CYTH2: variants seen among roughly 807,000 people sequenced by gnomAD.
CYTH2 encodes the protein cytohesin 2, also known as cytohesin-2.
A neutral mutation model predicts 55.4 loss-of-function variants in CYTH2; 24 were observed. The ratio of observed to expected loss-of-function variants is 0.43; its 90% CI spans 0.31 to 0.61. CYTH2 has a LOEUF of 0.61. Ranked by LOEUF, CYTH2 falls within the 20% of genes least tolerant of loss-of-function variation. The probability of loss-of-function intolerance (pLI) is 0.08; values close to 1 mark genes in which losing one functional copy is unlikely to be tolerated. For missense variants in CYTH2, 378 were observed against 533.5 expected (o/e 0.71, Z 2.87); for synonymous variants, 221 against 209.6 (o/e 1.05, Z -0.47).
chr19:48,472,269 G>C lies in CYTH2; in HGVS notation c.235-56G>C. On this transcript the variant is annotated intron_variant, in intron 3 of 11. Coordinates refer to ENST00000452733, the MANE Select transcript of CYTH2 (RefSeq NM_004228.7). Reference sequence around the variant, plus strand: ...GTCTGGATGCTGAGGTTCCCAGGGAGGTGAGTGGGGTGGCTTTCTGGCCCT... The same window carrying C: ...GTCTGGATGCTGAGGTTCCCAGGGACGTGAGTGGGGTGGCTTTCTGGCCCT... 2.6e-6 allele frequency: 4 copies of C among 1,527,092 alleles called. No individual in the cohort carries two copies. The South Asian group carries it at 3.4e-5, about 13-fold the overall frequency. The allele number at this position is 1,527,092 out of a possible 1,614,324, so 94.6% of individuals were successfully genotyped here. A position where few individuals can be genotyped will look rare whatever the true frequency, so the allele number is the denominator to read the frequency against.
intron 4 of CYTH2, chr19:48,473,046 C>A: frequency 2.1e-6 from 1 of 474,478 alleles, no homozygotes; most frequent in Non-Finnish European, 3.9e-6. Context: ...TACATGTTTG[C>A]GGCATTTCTC....
Position 48,479,174 on chromosome 19 carries a change from G to A in CYTH2, c.1164G>A (p.Lys388=). The A allele has an allele frequency of 6.2e-7, 1 of 1,614,096 alleles. No individual in the cohort carries two copies. The highest frequency in any genetic ancestry group is 8.5e-7 in the Non-Finnish European group (1 of 1,179,972). Residue 388 remains lysine (K), a synonymous_variant, in exon 12 of 12, where the codon AAG becomes AAA. Transcript: ENST00000452733. ...ATGAGATGCTGGCAGCGAGAAAGAA[G>A]CGGATTTCAGTCAAGAAGAAGCAGG... ...PFYEMLAARK[K]RISVKKKQEQ...
chr19:48,477,787 C>G (rs73942290), intron 8 of CYTH2: 1 of 465,854 alleles, frequency 2.1e-6, no homozygotes, highest in African/African-American at 1.9e-5. Flanking sequence ...GGCGCCCTGG[C>G]GCCCTGGCCT....
chr19:48,477,012 T>C (rs2147510933), intron 8 of CYTH2: 1 of 152,338 alleles, frequency 6.6e-6, no homozygotes, highest in South Asian at 2.1e-4. Flanking sequence ...AGGGCCTCTG[T>C]TCCCTTTGTG....
Position 48,472,451 on chromosome 19 carries a change from C to T in CYTH2, c.353+8C>T, listed in dbSNP as rs773835492. On this transcript the variant is annotated splice_region_variant and intron_variant, in intron 4 of 11. Transcript: ENST00000452733. The stretch of plus-strand genomic sequence containing the variant: ...GGACTACCTGGGGGAGAGGTACGGT[C>T]ACCACTCAGCTCCTGTGGGGCCCCT... 1.2e-6 allele frequency: 2 copies of T among 1,611,144 alleles called. No individual in the cohort carries two copies. The highest frequency in any genetic ancestry group is 2.2e-5 in the East Asian group (1 of 44,872).
chr19:48,472,068 A>G (rs1277356611), intron 3 of CYTH2, among the ~76,000 whole-genome samples: 4 of 152,136 alleles, frequency 2.6e-5, no homozygotes, highest in Non-Finnish European at 5.9e-5. Flanking sequence ...AAAAGAGAAA[A>G]TGTACTGAGC....
At position 48,469,443 on chromosome 19, in the gene CYTH2, C is replaced by T; in HGVS notation, c.-65C>T. The T allele has an allele frequency of 3.0e-6, 4 of 1,320,408 alleles. No homozygotes were observed. The highest frequency in any genetic ancestry group is 3.9e-6 in the Non-Finnish European group (4 of 1,026,472). The allele number at this position is 1,320,408 out of a possible 1,614,324, so 81.8% of individuals were successfully genotyped here. A position where few individuals can be genotyped will look rare whatever the true frequency, so the allele number is the denominator to read the frequency against. ...GAGCGGGCTCACCCGAGCCCGCGGG[C>T]CAACGCGGATCCAGGCCCGACTGGC... On this transcript the variant is annotated 5_prime_UTR_variant, in exon 1 of 12. Transcript: ENST00000452733.
chr19:48,474,229 C>G lies in CYTH2; in HGVS notation c.595C>G (p.Leu199Val). 6.2e-7 allele frequency: 1 copy of G among 1,612,548 alleles called. No homozygotes were observed. Among genetic ancestry groups the G allele is most frequent in the African/African-American group, 1.3e-5 (1 of 74,974 alleles). ...CGCCGTCATCATGCTCAACACCAGT[C>G]TCCACAATCCCAATGTCCGGGACAA... ...SFAVIMLNTS[L>V]HNPNVRDKPG... The change falls in exon 7 of 12, where the codon CTC (leucine) becomes GTC (valine). Residue 199 changes from leucine (L) to valine (V), a missense_variant. Coordinates refer to ENST00000452733, the MANE Select transcript of CYTH2 (RefSeq NM_004228.7). This position sits in a 1 kb window ranked among gnomAD's most constrained non-coding sequence, Gnocchi z 4.9.
Position 48,470,433 on chromosome 19 carries a change from C to T in CYTH2, c.100C>T (p.Gln34Ter). ...GAAGCAGGAGCTGCTGGTGGAGATT[C>T]AGCGCCTGCGGGAGGAGCTCAGTGA... Reference protein sequence around the residue: ...RRKQELLVEIQRLREELSEAM... With the variant: ...RRKQELLVEI The change falls in exon 2 of 12, where the codon CAG becomes TAG. Residue 34 changes from glutamine to a stop codon, truncating the protein, a stop_gained. Coordinates refer to ENST00000452733, the MANE Select transcript of CYTH2 (RefSeq NM_004228.7). LOFTEE classifies it high-confidence loss of function. The T allele has an allele frequency of 6.2e-7, 1 of 1,614,116 alleles. No individual in the cohort carries two copies. The highest frequency in any genetic ancestry group is 8.5e-7 in the Non-Finnish European group (1 of 1,180,018).
rs2147504787 is a variant in CYTH2 at position 48,472,317 on chromosome 19, C to T, written c.235-8C>T. ...CCTCAGCACTGAGACCTTGTCCCCA[C>T]CCACCAGGGGATCCAGTTCTTGGTG... On this transcript the variant is annotated splice_region_variant and splice_polypyrimidine_tract_variant and intron_variant, in intron 3 of 11. Coordinates refer to ENST00000452733, the MANE Select transcript of CYTH2 (RefSeq NM_004228.7). 6.2e-7 allele frequency: 1 copy of T among 1,613,322 alleles called. No individual in the cohort carries two copies. Among genetic ancestry groups the T allele is most frequent in the Non-Finnish European group, 8.5e-7 (1 of 1,179,568 alleles).
chr19:48,470,203 A>C, intron 1 of CYTH2, 150 bp from the exon 2 acceptor site: 1 of 1,205,822 alleles, frequency 8.3e-7, no homozygotes, highest in East Asian at 2.3e-5. Context: ...TCTCCTCTGC[A>C]GGGAGGAATC....
rs182550486 is a variant in CYTH2, at chr19:48,473,149, C to T, written c.354-149C>T. 741 of 778,056 alleles carry T rather than the reference C, an allele frequency of 9.5e-4. 7 individuals carry two copies. In the South Asian group the frequency reaches 9.8e-3, roughly 10 times the overall value. The allele number at this position is 778,056 out of a possible 1,614,324, so 48.2% of individuals were successfully genotyped here. On this transcript the variant is annotated intron_variant, in intron 4 of 11. Transcript: ENST00000452733. The stretch of plus-strand genomic sequence containing the variant: ...GAGCATCCCCCACCCTGGGGGCAGG[C>T]CTGTGTGGGAGTCCAGCAGGAAACT...
At chr19:48,470,313 C>A in intron 1 of CYTH2, 40 bp from the exon 2 acceptor site, 1 of 1,560,690 alleles carries the variant, frequency 6.4e-7, no homozygotes. Flanking sequence ...AGGCTCACGG[C>A]CCCTAGCACT....
At chr19:48,473,757 T>C in intron 5 of CYTH2, 148 bp from the exon 6 acceptor site, 1 of 648,512 alleles carries the variant, frequency 1.5e-6, no homozygotes, top group East Asian at 2.8e-5. Context: ...TGCCCATTGG[T>C]GAGACTGGAT....
intron 1 of CYTH2, 34 bp from the exon 2 acceptor site, chr19:48,470,319 G>A (rs749158139): frequency 1.9e-6 from 3 of 1,578,452 alleles, no homozygotes; most frequent in African/African-American, 2.7e-5. Context: ...ACGGCCCCTA[G>A]CACTGACTTT....
At chr19:48,473,416 A>T in intron 5 of CYTH2, 38 bp downstream of exon 5, 1 of 1,596,058 alleles carries the variant, frequency 6.3e-7, no homozygotes, top group Non-Finnish European at 8.6e-7. Flanking sequence ...CCAGGAATGT[A>T]CCTGTCAGGG....
chr19:48,476,874 CAAA>C, intron 8 of CYTH2: 1 of 152,206 alleles, frequency 6.6e-6, no homozygotes, highest in African/African-American at 2.4e-5. Context: ...GAGACAGTCT[CAAA>C]AAAACAAAAC....
chr19:48,472,002 G>T (rs1355550954), intron 3 of CYTH2, among the ~76,000 whole-genome samples: 1 of 152,196 alleles, frequency 6.6e-6, no homozygotes, highest in Non-Finnish European at 1.5e-5. Flanking sequence ...GCTGCAATGA[G>T]CTGTGATCAC....
In CYTH2 at chr19:48,474,341, C is replaced by G; in HGVS notation, c.696+11C>G. On this transcript the variant is annotated intron_variant, in intron 7 of 11. Transcript: ENST00000452733. This position sits in a 1 kb window ranked among gnomAD's most constrained non-coding sequence, Gnocchi z 4.9. ...GAGGAGCTGCTCAGGGTCAGTCCCC[C>G]TTCCCTGCCCCTCAGCCCTGCCCCT... 6.3e-7 allele frequency: 1 copy of G among 1,577,012 alleles called. No homozygotes were observed. The highest frequency in any genetic ancestry group is 8.6e-7 in the Non-Finnish European group (1 of 1,161,948).
Sources: gnomAD v4.1 joint callset for allele counts (sites outside exome capture counted in the v4.1 genomes callset) on GRCh38, gnomAD v4.1.1 for gene constraint, Gnocchi (gnomAD v3.1) non-coding constraint, MANE v1.5 for transcripts, NCBI Gene and HGNC (gene_info 2026-07-23, HGNC 2026-07-21) for gene names.